The following DTD1 variants were observed in gnomAD, a reference collection of about 807,000 sequenced individuals.
DTD1 encodes D-aminoacyl-tRNA deacylase 1.
DTD1 carries 13 observed loss-of-function variants against 25.6 expected under a neutral mutation model. That is an observed-to-expected ratio of 0.51 (90% confidence interval 0.33 to 0.81). The LOEUF (loss-of-function observed/expected upper bound fraction) is 0.81. Among genes scored for constraint, DTD1 ranks in the 30% least tolerant of loss-of-function variants. The probability of loss-of-function intolerance (pLI) is 0.02; values close to 1 mark genes in which losing one functional copy is unlikely to be tolerated. For synonymous variants in DTD1, 110 were observed against 103.6 expected (o/e 1.06, Z -0.37); for missense variants, 193 against 266.4 (o/e 0.72, Z 1.92).
chr20:18,665,123 G>A (rs2060926824), intron 4 of DTD1, among the ~76,000 whole-genome samples: 1 of 152,168 alleles, frequency 6.6e-6, no homozygotes, highest in Admixed American at 6.5e-5. Context: ...AGTAGTGAAC[G>A]GGCATTATGG....
chr20:18,660,288 T>G (rs2060904840), intron 4 of DTD1, among the ~76,000 whole-genome samples: 1 of 152,220 alleles, frequency 6.6e-6, no homozygotes. Flanking sequence ...GGTGTGATCA[T>G]GGCTTACTGC....
intron 3 of DTD1, among the ~76,000 whole-genome samples, chr20:18,598,863 G>C (rs6132087): frequency 0.51 from 77,435 of 151,616 alleles, 20,126 homozygotes; most frequent in Middle Eastern, 0.56. Flanking sequence ...CTATTCATCC[G>C]TCTCTCTTCC....
In DTD1 at chr20:18,766,022, G is replaced by A. The variant is rs2061377893; in HGVS notation, c.*2682G>A. ...TTACTTTACAGGAGACCAAGCTCTT[G>A]TGGCTACACAAAACATAGACCAAAT... On this transcript the variant is annotated 3_prime_UTR_variant, in exon 6 of 6. Coordinates refer to ENST00000377452, the MANE Select transcript of DTD1 (RefSeq NM_080820.6). 6.6e-6 allele frequency: 1 copy of A among 152,192 alleles called. No individual in the cohort carries two copies. The allele number at this position is 152,192 out of a possible 1,614,324, so 9.4% of individuals were successfully genotyped here. A position where few individuals can be genotyped will look rare whatever the true frequency, so the allele number is the denominator to read the frequency against.
At chr20:18,663,153 A>G (rs1004444295) in intron 4 of DTD1, among the ~76,000 whole-genome samples, 11 of 152,014 alleles carry the variant, frequency 7.2e-5, no homozygotes, top group African/African-American at 2.4e-4. Flanking sequence ...CTGGCATCCA[A>G]GTTTCATGGG....
At chr20:18,724,235 A>G (rs2061215581) in intron 4 of DTD1, among the ~76,000 whole-genome samples, 2 of 152,200 alleles carry the variant, frequency 1.3e-5, no homozygotes, top group African/African-American at 2.4e-5. Flanking sequence ...GTGGAGAACA[A>G]TCCACTAAAG....
intron 4 of DTD1, among the ~76,000 whole-genome samples, chr20:18,696,352 A>C (rs144021592): frequency 1.3e-5 from 2 of 152,114 alleles, no homozygotes; most frequent in African/African-American, 4.8e-5. Context: ...AGGAAAGATG[A>C]CATCTGTAGT....
chr20:18,746,569 C>T (rs1353209674), intron 5 of DTD1, among the ~76,000 whole-genome samples: 2 of 152,046 alleles, frequency 1.3e-5, no homozygotes, highest in Non-Finnish European at 2.9e-5. Flanking sequence ...GTGGTGCTTG[C>T]CTATCATCCT....
intron 5 of DTD1, among the ~76,000 whole-genome samples, chr20:18,751,425 A>C (rs772575160): frequency 6.6e-6 from 1 of 152,166 alleles, no homozygotes; most frequent in Non-Finnish European, 1.5e-5. Context: ...TGACATTGCT[A>C]TCATTCATTT....
At chr20:18,643,395 G>C (rs886519294) in intron 4 of DTD1, 1 of 229,510 alleles carries the variant, frequency 4.4e-6, no homozygotes, top group East Asian at 1.1e-4. Flanking sequence ...TCTCAGGTCT[G>C]ATCTTTCCTG....
intron 4 of DTD1, among the ~76,000 whole-genome samples, chr20:18,719,631 C>T (rs1019082037): frequency 7.9e-5 from 12 of 152,152 alleles, no homozygotes; most frequent in African/African-American, 1.9e-4. Flanking sequence ...CTGGAGACTG[C>T]GAGGGGTGAG....
chr20:18,687,607 T>C (rs2061022162), intron 4 of DTD1, among the ~76,000 whole-genome samples: 1 of 152,142 alleles, frequency 6.6e-6, no homozygotes, highest in African/African-American at 2.4e-5. Context: ...CAGGCTGGAG[T>C]ACAATGGCAT....
intron 1 of DTD1, among the ~76,000 whole-genome samples, chr20:18,589,905 C>T (rs960877091): frequency 2.3e-5 from 3 of 130,920 alleles, no homozygotes; most frequent in African/African-American, 7.9e-5. Context: ...TTCGGGAATT[C>T]TGGGTTGGGG....
At chr20:18,632,645 T>C (rs1327377796) in intron 4 of DTD1, 9 of 983,664 alleles carry the variant, frequency 9.1e-6, no homozygotes, top group African/African-American at 3.5e-5. Context: ...TAATGAAAAC[T>C]GCTACAATTA....
intron 4 of DTD1, among the ~76,000 whole-genome samples, chr20:18,691,007 G>A (rs1055150844): frequency 2.6e-5 from 4 of 152,166 alleles, no homozygotes; most frequent in African/African-American, 9.7e-5. Flanking sequence ...AACAAACGTG[G>A]AAAAATGCTT....
rs149186633 is a variant in DTD1 at position 18,761,460 on chromosome 20, A to T, written c.*20-1900A>T. Among the ~76,000 whole-genome samples the T allele has an allele frequency of 2.3e-3, 348 of 152,288 alleles. 1 individual carries two copies. The highest frequency in any genetic ancestry group is 7.9e-3 in the African/African-American group (327 of 41,572). On this transcript the variant is annotated intron_variant, in intron 5 of 5. Coordinates refer to ENST00000377452, the MANE Select transcript of DTD1 (RefSeq NM_080820.6). ...TCTCTAACTTTACAAAGTTGGAGAC[A>T]TACTGTATATATATAGTGTCACCTG...
chr20:18,654,617 T>A (rs1446412916), intron 4 of DTD1, among the ~76,000 whole-genome samples: 3 of 152,072 alleles, frequency 2.0e-5, no homozygotes, highest in Non-Finnish European at 1.5e-5. Context: ...TTAAGGAGAG[T>A]CTCTCAGTAC....
chr20:18,703,043 T>C (rs1054037737), intron 4 of DTD1, among the ~76,000 whole-genome samples: 3 of 152,220 alleles, frequency 2.0e-5, no homozygotes, highest in Admixed American at 1.3e-4. Context: ...TTCTTTTTTA[T>C]TTGTGCTGAA....
intron 4 of DTD1, among the ~76,000 whole-genome samples, chr20:18,715,009 T>C (rs2061174614): frequency 1.3e-5 from 2 of 152,124 alleles, no homozygotes; most frequent in African/African-American, 4.8e-5. Context: ...TTCTAGGCTG[T>C]GCAGGCCTTG....
chr20:18,708,233 T>A (rs1600382907), intron 4 of DTD1, among the ~76,000 whole-genome samples: 1 of 3,318 alleles, frequency 3.0e-4, no homozygotes, highest in East Asian at 7.2e-3. Context: ...ATATATATTT[T>A]ATATATATAT....
Sources: gnomAD v4.1 joint callset for allele counts (sites outside exome capture counted in the v4.1 genomes callset) on GRCh38, gnomAD v4.1.1 for gene constraint, MANE v1.5 for transcripts, NCBI Gene and HGNC (gene_info 2026-07-23, HGNC 2026-07-21) for gene names.